The following TMEM87B variants were observed in gnomAD, a reference collection of about 807,000 sequenced individuals.
The protein encoded by TMEM87B is transmembrane protein 87B.
A neutral mutation model predicts 80.3 loss-of-function variants in TMEM87B; 83 were observed. The ratio of observed to expected loss-of-function variants is 1.03; its 90% CI spans 0.87 to 1.24. TMEM87B has a LOEUF of 1.24. Among genes scored for constraint, TMEM87B ranks in the 50% most tolerant of loss-of-function variants. TMEM87B has a pLI of 0.00. For missense variants in TMEM87B, 625 were observed against 674.4 expected (o/e 0.93, Z 0.81); for synonymous variants, 219 against 230.5 (o/e 0.95, Z 0.45).
intron 4 of TMEM87B, among the ~76,000 whole-genome samples, chr2:112,072,618 C>G (rs1369766390): frequency 1.3e-5 from 2 of 152,018 alleles, no homozygotes; most frequent in East Asian, 3.8e-4. Context: ...TGGTAACATT[C>G]CGTTTGTCAT....
chr2:112,076,145 C>T (rs1025558718), intron 5 of TMEM87B, among the ~76,000 whole-genome samples: 5 of 151,882 alleles, frequency 3.3e-5, no homozygotes, highest in African/African-American at 7.3e-5. Flanking sequence ...TCCAGCTACT[C>T]GGAGGCTGAG....
In TMEM87B at chr2:112,077,078, A is replaced by G. The variant is rs190141211; in HGVS notation, c.502-114A>G. The stretch of plus-strand genomic sequence containing the variant: ...AAAAGGAAAAAATTAAAAAATAGAA[A>G]AATTTAAAAAGTAACCCGATTCAAT... On this transcript the variant is annotated intron_variant, in intron 5 of 18. Transcript: ENST00000283206. 1.7e-3 allele frequency: 890 copies of G among 512,686 alleles called. 6 individuals carry two copies. The highest frequency in any genetic ancestry group is 0.011 in the Middle Eastern group (20 of 1,802). The allele number at this position is 512,686 out of a possible 1,614,324, so 31.8% of individuals were successfully genotyped here.
rs565680780 is a variant in TMEM87B, at chr2:112,111,899, G to A, written c.1578-1000G>A. ...TAATAAGTTTTAAGTAGTCATTAAC[G>A]TCATAGCAGGGACCGTTGTTGATAT... is the stretch of plus-strand genomic sequence containing the variant. On this transcript the variant is annotated intron_variant, in intron 17 of 18. Coordinates refer to ENST00000283206, the MANE Select transcript of TMEM87B (RefSeq NM_032824.3). Among the ~76,000 whole-genome samples the A allele has an allele frequency of 1.7e-4, 26 of 152,262 alleles. 1 individual carries two copies. Among genetic ancestry groups the A allele is most frequent in the African/African-American group, 6.3e-4 (26 of 41,544 alleles).
At chr2:112,090,437 G>A (rs528519562) in intron 10 of TMEM87B, among the ~76,000 whole-genome samples, 2 of 152,008 alleles carry the variant, frequency 1.3e-5, no homozygotes, top group Admixed American at 1.3e-4. Context: ...TGGAGACAGG[G>A]TCTTGCTCTG....
intron 4 of TMEM87B, among the ~76,000 whole-genome samples, chr2:112,067,294 G>C (rs909670624): frequency 1.2e-4 from 18 of 152,220 alleles, no homozygotes; most frequent in Non-Finnish European, 2.9e-5. Context: ...GTTTGTTTGT[G>C]TGTATAGTAG....
intron 10 of TMEM87B, among the ~76,000 whole-genome samples, chr2:112,090,552 G>A (rs1679270897): frequency 6.6e-6 from 1 of 151,816 alleles, no homozygotes; most frequent in South Asian, 2.1e-4. Context: ...TCAGCCTCCC[G>A]AGTAGCTGGG....
intron 17 of TMEM87B, among the ~76,000 whole-genome samples, chr2:112,108,138 A>T (rs952789379): frequency 6.6e-6 from 1 of 152,140 alleles, no homozygotes; most frequent in African/African-American, 2.4e-5. Context: ...CGTCAAATGT[A>T]TGTAAACTTT....
chr2:112,103,078 G>A (rs1315002368), intron 15 of TMEM87B, among the ~76,000 whole-genome samples: 1 of 152,148 alleles, frequency 6.6e-6, no homozygotes, highest in South Asian at 2.1e-4. Flanking sequence ...CTAAAGAAAA[G>A]AAAAAGTACG....
chr2:112,071,524 C>A (rs551607925), intron 4 of TMEM87B, among the ~76,000 whole-genome samples: 56 of 152,016 alleles, frequency 3.7e-4, no homozygotes, highest in African/African-American at 1.2e-3. Context: ...CCAGGCTGCT[C>A]TCAAACTCCT....
intron 7 of TMEM87B, 56 bp downstream of exon 7, chr2:112,081,174 G>A: frequency 6.5e-7 from 1 of 1,539,764 alleles, no homozygotes; most frequent in Non-Finnish European, 8.9e-7. Flanking sequence ...TACCCTAAGA[G>A]CTTTGTGGTA....
chr2:112,081,631 T>G, intron 8 of TMEM87B, 113 bp downstream of exon 8: 4 of 929,048 alleles, frequency 4.3e-6, no homozygotes, highest in Non-Finnish European at 6.2e-6. Context: ...AGATATATTA[T>G]AGATGAAGAG....
intron 2 of TMEM87B, 59 bp from the exon 3 acceptor site, chr2:112,064,103 A>C: frequency 7.1e-7 from 1 of 1,417,164 alleles, no homozygotes; most frequent in East Asian, 2.3e-5. Context: ...CAAAACCTTA[A>C]GTTTATATTA....
intron 15 of TMEM87B, among the ~76,000 whole-genome samples, chr2:112,103,792 C>T (rs759061551): frequency 5.9e-5 from 9 of 151,982 alleles, no homozygotes; most frequent in South Asian, 2.1e-4. Flanking sequence ...ATATGGTATG[C>T]GAATTATCTC....
chr2:112,055,341 C>G lies in TMEM87B; in HGVS notation c.-251C>G. 1 of 504,202 alleles carries G rather than the reference C, an allele frequency of 2.0e-6. No homozygotes were observed. The highest frequency in any genetic ancestry group is 3.5e-6 in the Non-Finnish European group (1 of 289,382). 31.2% of individuals were successfully genotyped at this position (504,202 alleles called of 1,614,324 possible). On this transcript the variant is annotated 5_prime_UTR_variant, in exon 1 of 19. In the 5' UTR this introduces an upstream ATG that the reference lacks. Coordinates refer to ENST00000283206, the MANE Select transcript of TMEM87B (RefSeq NM_032824.3). ...GCCAACTCCACATCCTGGCTCCTAT[C>G]TCTGCCTTCCAGGCATCTCCCAGCT...
intron 9 of TMEM87B, 67 bp downstream of exon 9, chr2:112,086,171 C>T (rs1476393379): frequency 1.6e-6 from 2 of 1,274,662 alleles, no homozygotes; most frequent in Non-Finnish European, 2.2e-6. Context: ...TACATTATGA[C>T]CTTTGTGAAA....
intron 16 of TMEM87B, among the ~76,000 whole-genome samples, chr2:112,107,344 T>A: frequency 7.7e-6 from 1 of 129,748 alleles, no homozygotes; most frequent in Non-Finnish European, 1.6e-5. Flanking sequence ...GGCGACAGAG[T>A]CAGACTCTGT....
At chr2:112,058,872 T>C (rs990271599) in intron 1 of TMEM87B, among the ~76,000 whole-genome samples, 4 of 152,102 alleles carry the variant, frequency 2.6e-5, no homozygotes, top group Non-Finnish European at 4.4e-5. Context: ...GATTGGGTGA[T>C]GGAAGTGGGG....
At chr2:112,060,206 G>A (rs993715299) in intron 2 of TMEM87B, among the ~76,000 whole-genome samples, 169 bp downstream of exon 2, 1 of 152,082 alleles carries the variant, frequency 6.6e-6, no homozygotes, top group Admixed American at 6.5e-5. Flanking sequence ...AAAGTTAGCT[G>A]GGCATGGTGG....
At chr2:112,065,755 A>G (rs1044954015) in intron 3 of TMEM87B, among the ~76,000 whole-genome samples, 1 of 151,536 alleles carries the variant, frequency 6.6e-6, no homozygotes, top group African/African-American at 2.4e-5. Context: ...GAACCAATTC[A>G]GGTTTGCATT....
Sources: gnomAD v4.1 joint callset for allele counts (sites outside exome capture counted in the v4.1 genomes callset) on GRCh38, gnomAD v4.1.1 for gene constraint, MANE v1.5 for transcripts, NCBI Gene and HGNC (gene_info 2026-07-23, HGNC 2026-07-21) for gene names.